Variants in RIN2 observed in about 807,000 individuals in gnomAD.
RIN2 encodes the protein Ras and Rab interactor 2.
A neutral mutation model predicts 78.0 loss-of-function variants in RIN2; 36 were observed. That is an observed-to-expected ratio of 0.46 (90% CI 0.35 to 0.61). The LOEUF (loss-of-function observed/expected upper bound fraction) is 0.61. Ranked by LOEUF, RIN2 falls within the 20% of genes least tolerant of loss-of-function variation. The pLI is 0.00. For synonymous variants in RIN2, 466 were observed against 466.8 expected (o/e 1.00, Z 0.02); for missense variants, 1,087 against 1,159.7 (o/e 0.94, Z 0.91).
chr20:19,886,636 G>GTTT, intron 2 of RIN2: 1 of 550,020 alleles, frequency 1.8e-6, no homozygotes, highest in Non-Finnish European at 2.9e-6. Flanking sequence ...TTTTTTGCTA[G>GTTT]CTTTTAGCTA....
At position 20,002,423 on chromosome 20, in the gene RIN2, G is replaced by A. The variant is rs1331459090; in HGVS notation, c.*1487G>A. 3 of 152,008 alleles carry A rather than the reference G, an allele frequency of 2.0e-5. No homozygotes were observed. Among genetic ancestry groups the A allele is most frequent in the African/African-American group, 7.3e-5 (3 of 41,288 alleles). The allele number at this position is 152,008 out of a possible 1,614,324, so 9.4% of individuals were successfully genotyped here. A position where few individuals can be genotyped will look rare whatever the true frequency, so the allele number is the denominator to read the frequency against. Reference sequence around the variant, plus strand: ...CACATAATACATTGTAATACTGTATGATAATCATGTGTGAAAATAATTTTT... The same window carrying A: ...CACATAATACATTGTAATACTGTATAATAATCATGTGTGAAAATAATTTTT... On this transcript the variant is annotated 3_prime_UTR_variant, in exon 13 of 13. Coordinates refer to ENST00000255006, the MANE Select transcript of RIN2 (RefSeq NM_018993.4).
chr20:19,807,628 C>A (rs1836040003), intron 2 of RIN2, among the ~76,000 whole-genome samples: 1 of 151,986 alleles, frequency 6.6e-6, no homozygotes, highest in Admixed American at 6.6e-5. Flanking sequence ...TCAGCAGCTG[C>A]CTCAAATGAT....
chr20:19,992,169 G>A lies in RIN2; in HGVS notation c.2070G>A (p.Gly690=). The change falls in exon 11 of 13, where the codon GGG becomes GGA. Residue 690 remains glycine, a splice_region_variant and synonymous_variant. Coordinates refer to ENST00000255006, the MANE Select transcript of RIN2 (RefSeq NM_018993.4). ...LIYTVMENNS[G]RMYGADDFLP... ...ATCTCCTTCTCTTCCTGCTCTCAGG[G>A]AGGATGTATGGCGCTGATGACTTCT... 1.9e-6 allele frequency: 3 copies of A among 1,612,220 alleles called. No individual in the cohort carries two copies. The highest frequency in any genetic ancestry group is 2.5e-6 in the Non-Finnish European group (3 of 1,179,300).
At chr20:19,812,738 A>G (rs1157790641) in intron 2 of RIN2, among the ~76,000 whole-genome samples, 1 of 152,244 alleles carries the variant, frequency 6.6e-6, no homozygotes, top group Non-Finnish European at 1.5e-5. Flanking sequence ...TCACTGAAAG[A>G]ATCAAAAGGA....
intron 1 of RIN2, among the ~76,000 whole-genome samples, chr20:19,796,034 AAAAG>A (rs1175508394): frequency 2.6e-5 from 4 of 152,146 alleles, no homozygotes; most frequent in Non-Finnish European, 2.9e-5. Flanking sequence ...TGTCTAAAAA[AAAAG>A]AAAGAAGAGA....
intron 2 of RIN2, among the ~76,000 whole-genome samples, chr20:19,883,530 A>G (rs2038090119): frequency 6.6e-6 from 1 of 151,922 alleles, no homozygotes; most frequent in South Asian, 2.1e-4. Flanking sequence ...ATTTGTAGAG[A>G]CAGGGTCTCC....
intron 3 of RIN2, among the ~76,000 whole-genome samples, chr20:19,922,922 A>G (rs1219094383): frequency 6.6e-6 from 1 of 152,198 alleles, no homozygotes; most frequent in Non-Finnish European, 1.5e-5. Flanking sequence ...AGCACACTAC[A>G]GATGCTCGCC....
chr20:19,855,314 T>G (rs950689537), intron 2 of RIN2, among the ~76,000 whole-genome samples: 1 of 152,238 alleles, frequency 6.6e-6, no homozygotes, highest in African/African-American at 2.4e-5. Context: ...TGCATCAATG[T>G]TCATCAGGGA....
At chr20:19,942,045 G>A (rs1294521483) in intron 4 of RIN2, among the ~76,000 whole-genome samples, 2 of 151,522 alleles carry the variant, frequency 1.3e-5, no homozygotes, top group Non-Finnish European at 2.9e-5. Context: ...GAAAGATGGA[G>A]GTTGTCATGA....
chr20:19,915,498 C>T (rs887484867), intron 3 of RIN2, among the ~76,000 whole-genome samples: 4 of 152,152 alleles, frequency 2.6e-5, no homozygotes, highest in South Asian at 2.1e-4. Flanking sequence ...CAGAAGAAAA[C>T]GGTGACTTCC....
chr20:19,889,215 A>C (rs902587133), intron 2 of RIN2: 6 of 985,304 alleles, frequency 6.1e-6, no homozygotes. Flanking sequence ...AGCCACATTC[A>C]ATCTATAAAC....
chr20:19,845,386 C>T (rs2036747780), intron 2 of RIN2, among the ~76,000 whole-genome samples: 1 of 152,168 alleles, frequency 6.6e-6, no homozygotes, highest in Non-Finnish European at 1.5e-5. Context: ...CACATCCTCT[C>T]CAGCATCTGT....
chr20:19,781,756 A>G (rs775057993), intron 1 of RIN2, among the ~76,000 whole-genome samples: 2 of 151,954 alleles, frequency 1.3e-5, no homozygotes, highest in Non-Finnish European at 2.9e-5. Flanking sequence ...TGAGTGAGGC[A>G]AAGAGCTATG....
At chr20:19,989,425 C>A (rs2042726804) in intron 9 of RIN2, among the ~76,000 whole-genome samples, 1 of 151,968 alleles carries the variant, frequency 6.6e-6, no homozygotes, top group Non-Finnish European at 1.5e-5. Context: ...AAGCGTGCAC[C>A]ACCATGCCCA....
At chr20:19,903,782 A>G (rs781188239) in intron 3 of RIN2, among the ~76,000 whole-genome samples, 3 of 152,216 alleles carry the variant, frequency 2.0e-5, no homozygotes, top group Non-Finnish European at 4.4e-5. Context: ...GGTTTCTCCA[A>G]CTATCTCTGA....
At chr20:19,862,518 G>A (rs1264104031) in intron 2 of RIN2, among the ~76,000 whole-genome samples, 3 of 152,124 alleles carry the variant, frequency 2.0e-5, no homozygotes, top group Admixed American at 6.6e-5. Context: ...GCTTAAACTC[G>A]GGAGGCAGAG....
intron 1 of RIN2, among the ~76,000 whole-genome samples, chr20:19,798,768 A>C (rs1373567332): frequency 6.6e-6 from 1 of 152,214 alleles, no homozygotes; most frequent in Non-Finnish European, 1.5e-5. Flanking sequence ...GGTGATGGTC[A>C]AAGGGAACTT....
intron 5 of RIN2, 65 bp from the exon 6 acceptor site, chr20:19,960,635 C>G: frequency 1.6e-6 from 2 of 1,212,290 alleles, no homozygotes; most frequent in South Asian, 1.3e-5. Flanking sequence ...GTGAGGGAAA[C>G]CAGATGCTTG....
intron 3 of RIN2, among the ~76,000 whole-genome samples, chr20:19,893,800 C>T (rs2038593954): frequency 6.6e-6 from 1 of 152,156 alleles, no homozygotes; most frequent in South Asian, 2.1e-4. Flanking sequence ...AGCCGGGCGC[C>T]ATGGCTCACA....
Sources: gnomAD v4.1 joint callset for allele counts (sites outside exome capture counted in the v4.1 genomes callset) on GRCh38, gnomAD v4.1.1 for gene constraint, MANE v1.5 for transcripts, NCBI Gene and HGNC (gene_info 2026-07-23, HGNC 2026-07-21) for gene names.